LAMC1: variants seen among roughly 807,000 people sequenced by gnomAD.
LAMC1 encodes laminin subunit gamma-1.
Under a neutral mutation model 173.6 loss-of-function variants are expected in LAMC1, and 38 were observed. The observed-to-expected ratio is 0.22, with a 90% CI of 0.17 to 0.29. LAMC1 has a LOEUF of 0.29. LAMC1 is among the 10% of genes least tolerant of loss of function. LAMC1 has a pLI of 1.00. For missense variants in LAMC1, 1,824 were observed against 2,051.8 expected (o/e 0.89, Z 2.14); for synonymous variants, 746 against 749.1 (o/e 1.00, Z 0.07).
At chr1:183,131,705 ATTG>A (rs1013582508) in intron 20 of LAMC1, among the ~76,000 whole-genome samples, 6 of 152,144 alleles carry the variant, frequency 3.9e-5, no homozygotes, top group Admixed American at 3.9e-4. Flanking sequence ...AAACTAGCAG[ATTG>A]TTGTTAATAA....
At chr1:183,112,643 G>A (rs1194297993) in intron 4 of LAMC1, among the ~76,000 whole-genome samples, 1 of 152,176 alleles carries the variant, frequency 6.6e-6, no homozygotes, top group Non-Finnish European at 1.5e-5. Context: ...TTGGGACAGT[G>A]TGGACAGTGG....
intron 1 of LAMC1, 95 bp from the exon 2 acceptor site, chr1:183,103,233 A>G: frequency 8.6e-7 from 1 of 1,164,840 alleles, no homozygotes. Context: ...AAGGAGATTT[A>G]TATCCTTTGT....
rs567260691 is a variant in LAMC1, at chr1:183,059,679, C to T, written c.418+35545C>T. Among the ~76,000 whole-genome samples the T allele has an allele frequency of 6.7e-4, 102 of 152,076 alleles. No homozygotes were observed. The Middle Eastern group carries it at 0.02, about 30-fold the overall frequency. On this transcript the variant is annotated intron_variant, in intron 1 of 27. Transcript: ENST00000258341. ...CCACTCAGGACATTGAACTGGGTCTCGGAGCAAATTATAAGATAGGTAAAA... is the reference window on the plus strand; with the variant it reads ...CCACTCAGGACATTGAACTGGGTCTTGGAGCAAATTATAAGATAGGTAAAA...
Position 183,040,561 on chromosome 1 carries a change from A to G in LAMC1, c.418+16427A>G, listed in dbSNP as rs116456197. On this transcript the variant is annotated intron_variant, in intron 1 of 27. Transcript: ENST00000258341. ...ATCTTCGTAAAATAGAAGTGGAGGG[A>G]AAAAAAAGGATATAATGTGGCATCA... Among the ~76,000 whole-genome samples, 1,503 of 152,130 alleles carry G rather than the reference A, an allele frequency of 9.9e-3. 29 individuals are homozygous for G. The highest frequency in any genetic ancestry group is 0.035 in the African/African-American group (1,441 of 41,470).
At chr1:183,043,887 A>G (rs1654201728) in intron 1 of LAMC1, among the ~76,000 whole-genome samples, 1 of 152,126 alleles carries the variant, frequency 6.6e-6, no homozygotes, top group Non-Finnish European at 1.5e-5. Flanking sequence ...TTTGAGATAC[A>G]TTTTGAATTG....
At chr1:183,032,779 G>A (rs1315858034) in intron 1 of LAMC1, among the ~76,000 whole-genome samples, 3 of 152,238 alleles carry the variant, frequency 2.0e-5, no homozygotes, top group East Asian at 1.9e-4. Context: ...TCACAGTACT[G>A]TGTATATATG....
In LAMC1 at chr1:183,134,666, G is replaced by A. The variant is rs1318354318; in HGVS notation, c.3856G>A (p.Ala1286Thr). 6.2e-7 allele frequency: 1 copy of A among 1,609,134 alleles called. No homozygotes were observed. Among genetic ancestry groups the A allele is most frequent in the Non-Finnish European group, 8.5e-7 (1 of 1,178,558 alleles). The change falls in exon 23 of 28, where the codon GCA becomes ACA. Residue 1286 changes from alanine (A) to threonine (T), a missense_variant. Coordinates refer to ENST00000258341, the MANE Select transcript of LAMC1 (RefSeq NM_002293.4). The stretch of plus-strand genomic sequence containing the variant: ...TCTTACTTGCTTTTCACAGAATGAA[G>A]CAAATAACATAAAGATGGAAGCTGA... ...PLDSETLENE[A>T]NNIKMEAENL...
At chr1:183,046,288 A>C (rs971725919) in intron 1 of LAMC1, among the ~76,000 whole-genome samples, 4 of 151,884 alleles carry the variant, frequency 2.6e-5, no homozygotes, top group Non-Finnish European at 5.9e-5. Context: ...TTATTCTTCT[A>C]TTTTAGAAAT....
At chr1:183,066,122 A>G (rs1654867481) in intron 1 of LAMC1, among the ~76,000 whole-genome samples, 2 of 152,216 alleles carry the variant, frequency 1.3e-5, no homozygotes, top group Admixed American at 1.3e-4. Flanking sequence ...TTTAAACTAT[A>G]TCCTTTTACC....
intron 1 of LAMC1, among the ~76,000 whole-genome samples, chr1:183,026,993 T>C (rs1283977889): frequency 6.6e-6 from 1 of 152,216 alleles, no homozygotes; most frequent in African/African-American, 2.4e-5. Context: ...AAATTTTTCA[T>C]GCATACACAT....
intron 3 of LAMC1, among the ~76,000 whole-genome samples, chr1:183,109,963 T>C (rs1435746702): frequency 3.3e-5 from 5 of 152,184 alleles, no homozygotes; most frequent in African/African-American, 1.2e-4. Flanking sequence ...TTAAAATCAT[T>C]ATGGCAGATA....
At chr1:183,135,018 C>A in intron 23 of LAMC1, 24 bp from the exon 24 acceptor site, 1 of 1,573,528 alleles carries the variant, frequency 6.4e-7, no homozygotes, top group Non-Finnish European at 8.7e-7. Context: ...AGGGTTCATC[C>A]TCTCATCTGC....
chr1:183,128,569 C>G (rs1656689473), intron 17 of LAMC1, 25 bp from the exon 18 acceptor site: 1 of 1,591,944 alleles, frequency 6.3e-7, no homozygotes, highest in South Asian at 1.2e-5. Flanking sequence ...CCTACCTTTC[C>G]CTTTTCTTTC....
At position 183,023,844 on chromosome 1, in the gene LAMC1, A is replaced by G. The variant is rs1653606185; in HGVS notation, c.128A>G (p.Glu43Gly). The G allele has an allele frequency of 6.2e-7, 1 of 1,606,268 alleles. No individual in the cohort carries two copies. Residue 43 changes from glutamate to glycine, a missense_variant, in exon 1 of 28, where the codon GAG becomes GGG. Glu to Gly is a moderately conservative substitution (Grantham distance 98). Coordinates refer to ENST00000258341, the MANE Select transcript of LAMC1 (RefSeq NM_002293.4). ...GCAGCCATGGACGAGTGCACGGACG[A>G]GGGCGGGCGGCCGCAGCGCTGCATG... ...AQAAMDECTD[E>G]GGRPQRCMPE... is the part of the protein sequence containing the mutation.
intron 1 of LAMC1, among the ~76,000 whole-genome samples, chr1:183,065,362 G>A (rs192698575): frequency 1.3e-5 from 2 of 152,218 alleles, no homozygotes; most frequent in South Asian, 2.1e-4. Flanking sequence ...AAAATCTGTG[G>A]GGCAGGCCAG....
Position 183,122,113 on chromosome 1 carries a change from A to G in LAMC1, c.2263A>G (p.Ser755Gly). The change falls in exon 13 of 28, where the codon AGT becomes GGT. Residue 755 changes from serine to glycine, a missense_variant. Coordinates refer to ENST00000258341, the MANE Select transcript of LAMC1 (RefSeq NM_002293.4). ...GGCTGGCCCGCACTGTGAGAAGTGC[A>G]GTGATGGGTACTATGGAGATTCAAC... ...NTAGPHCEKC[S>G]DGYYGDSTAG... The G allele has an allele frequency of 1.9e-6, 3 of 1,614,216 alleles. No homozygotes were observed. The highest frequency in any genetic ancestry group is 1.3e-5 in the African/African-American group (1 of 75,050).
chr1:183,105,995 G>C (rs560147953), intron 2 of LAMC1, among the ~76,000 whole-genome samples: 1 of 152,316 alleles, frequency 6.6e-6, no homozygotes, highest in African/African-American at 2.4e-5. Flanking sequence ...ACTGTTCTAA[G>C]CCCTTTGATT....
intron 18 of LAMC1, among the ~76,000 whole-genome samples, chr1:183,129,473 C>T (rs771087462): frequency 1.1e-4 from 16 of 152,128 alleles, no homozygotes; most frequent in Non-Finnish European, 1.9e-4. Context: ...TAGAATGTCA[C>T]CTCTGCACAT....
intron 1 of LAMC1, among the ~76,000 whole-genome samples, chr1:183,079,886 G>C (rs191782857): frequency 6.6e-6 from 1 of 152,138 alleles, no homozygotes; most frequent in Non-Finnish European, 1.5e-5. Context: ...TACTGTAGTC[G>C]TTTTACAGTG....
Sources: gnomAD v4.1 joint callset for allele counts (sites outside exome capture counted in the v4.1 genomes callset) on GRCh38, gnomAD v4.1.1 for gene constraint, MANE v1.5 for transcripts, NCBI Gene and HGNC (gene_info 2026-07-23, HGNC 2026-07-21) for gene names.